PRKG1: variants seen among roughly 807,000 people sequenced by gnomAD.
PRKG1 encodes the protein cGMP-dependent protein kinase 1.
Under a neutral mutation model 88.1 loss-of-function variants are expected in PRKG1, and 35 were observed. The observed-to-expected ratio is 0.40, with a 90% CI of 0.30 to 0.53. The LOEUF (loss-of-function observed/expected upper bound fraction) is 0.53. PRKG1 is among the 20% of genes least tolerant of loss of function. The pLI, the probability that PRKG1 is intolerant of heterozygous loss-of-function variation, is 0.59. For missense variants in PRKG1, 540 were observed against 839.8 expected (o/e 0.64, Z 4.41); for synonymous variants, 303 against 292.5 (o/e 1.04, Z -0.37).
chr10:51,729,026 A>G (rs1369164723), intron 3 of PRKG1, among the ~76,000 whole-genome samples: 1 of 152,242 alleles, frequency 6.6e-6, no homozygotes, highest in Admixed American at 6.5e-5. Flanking sequence ...GAGGGATAAA[A>G]TCTACCAACC....
At chr10:51,440,187 A>G (rs1839059745) in intron 2 of PRKG1, among the ~76,000 whole-genome samples, 2 of 148,322 alleles carry the variant, frequency 1.3e-5, no homozygotes, top group African/African-American at 4.9e-5. Context: ...CTTATCTCCA[A>G]ATAGTGCAGT....
At chr10:51,748,464 G>T (rs1329145188) in intron 3 of PRKG1, among the ~76,000 whole-genome samples, 1 of 152,096 alleles carries the variant, frequency 6.6e-6, no homozygotes, top group Non-Finnish European at 1.5e-5. Flanking sequence ...GGCATCCTAA[G>T]GCAATAATTG....
chr10:52,054,750 A>G (rs1295699779), intron 6 of PRKG1, among the ~76,000 whole-genome samples, 189 bp downstream of exon 6: 1 of 152,200 alleles, frequency 6.6e-6, no homozygotes, highest in African/African-American at 2.4e-5. Context: ...TTGGAAGACC[A>G]GTAAGTAGCC....
chr10:51,971,315 T>G (rs1843709812), intron 5 of PRKG1, among the ~76,000 whole-genome samples: 1 of 152,036 alleles, frequency 6.6e-6, no homozygotes, highest in Non-Finnish European at 1.5e-5. Context: ...TAATTTTAAT[T>G]TAATGCAAAT....
intron 2 of PRKG1, among the ~76,000 whole-genome samples, chr10:51,467,446 A>G (rs1839936173): frequency 6.6e-6 from 1 of 152,004 alleles, no homozygotes; most frequent in Non-Finnish European, 1.5e-5. Flanking sequence ...CTAATAACAG[A>G]TTTGGAATAA....
chr10:51,293,918 G>A (rs1452391204), intron 2 of PRKG1, among the ~76,000 whole-genome samples: 5 of 152,048 alleles, frequency 3.3e-5, no homozygotes, highest in Non-Finnish European at 7.4e-5. Flanking sequence ...ATCATTCCAA[G>A]AGGTGTGAGC....
At chr10:51,076,293 A>T (rs1589134823) in intron 1 of PRKG1, among the ~76,000 whole-genome samples, 1 of 152,336 alleles carries the variant, frequency 6.6e-6, no homozygotes, top group East Asian at 1.9e-4. Context: ...TTCTGACCTT[A>T]CCAAATTGCC....
intron 9 of PRKG1, among the ~76,000 whole-genome samples, chr10:52,241,174 G>C (rs530633945): frequency 2.0e-5 from 3 of 152,052 alleles, no homozygotes; most frequent in Non-Finnish European, 2.9e-5. Flanking sequence ...CCTGTTTTGC[G>C]TACCAGGAGT....
intron 3 of PRKG1, among the ~76,000 whole-genome samples, chr10:51,706,926 T>G (rs953593111): frequency 6.6e-6 from 1 of 152,208 alleles, no homozygotes; most frequent in Non-Finnish European, 1.5e-5. Flanking sequence ...CTAGTAATAG[T>G]AGATGAAGTA....
At chr10:51,537,883 T>G (rs183513313) in intron 3 of PRKG1, among the ~76,000 whole-genome samples, 1 of 152,258 alleles carries the variant, frequency 6.6e-6, no homozygotes, top group African/African-American at 2.4e-5. Flanking sequence ...ACAGTACACT[T>G]TGAGAACTAC....
intron 3 of PRKG1, among the ~76,000 whole-genome samples, chr10:51,617,830 G>C (rs889776494): frequency 6.6e-6 from 1 of 152,082 alleles, no homozygotes; most frequent in Non-Finnish European, 1.5e-5. Flanking sequence ...TCTGTATCCT[G>C]CTTGTTTTTC....
chr10:52,174,501 A>G (rs1838800780), intron 9 of PRKG1, among the ~76,000 whole-genome samples: 1 of 152,058 alleles, frequency 6.6e-6, no homozygotes, highest in African/African-American at 2.4e-5. Flanking sequence ...GAATTTAAGA[A>G]AAAAGGACTA....
intron 2 of PRKG1, among the ~76,000 whole-genome samples, chr10:51,337,612 A>G (rs1228591386): frequency 6.6e-6 from 1 of 152,216 alleles, no homozygotes; most frequent in Non-Finnish European, 1.5e-5. Context: ...CACTTCTCAA[A>G]GGAAGATATT....
intron 1 of PRKG1, among the ~76,000 whole-genome samples, chr10:51,107,781 A>G (rs1449764239): frequency 6.9e-6 from 1 of 145,254 alleles, no homozygotes; most frequent in Non-Finnish European, 1.5e-5. Flanking sequence ...CCATGACTCC[A>G]GCCTGGGCAA....
chr10:51,779,471 A>T (rs924703014), intron 3 of PRKG1, among the ~76,000 whole-genome samples: 1 of 152,172 alleles, frequency 6.6e-6, no homozygotes, highest in Non-Finnish European at 1.5e-5. Flanking sequence ...TCAGCATATG[A>T]ACCCAAGTAT....
chr10:51,741,789 G>A (rs1351209951), intron 3 of PRKG1, among the ~76,000 whole-genome samples: 1 of 152,078 alleles, frequency 6.6e-6, no homozygotes, highest in Non-Finnish European at 1.5e-5. Context: ...GCATTTACCT[G>A]TAACCCCAGA....
chr10:51,033,318 A>T (rs1014239088), intron 1 of PRKG1, among the ~76,000 whole-genome samples: 2 of 152,150 alleles, frequency 1.3e-5, no homozygotes, highest in African/African-American at 4.8e-5. Context: ...GAAGACATTT[A>T]TTGAAAGCTT....
At chr10:51,016,669 C>CTTTTTTT (rs1323068893) in intron 1 of PRKG1, among the ~76,000 whole-genome samples, 10 of 22,786 alleles carry the variant, frequency 4.4e-4, no homozygotes, top group Non-Finnish European at 6.6e-4. Context: ...TATTATTATC[C>CTTTTTTT]TTTCTTTTTT....
intron 10 of PRKG1, among the ~76,000 whole-genome samples, chr10:52,267,048 AT>A (rs1841591373): frequency 7.4e-6 from 1 of 135,748 alleles, no homozygotes; most frequent in Admixed American, 8.6e-5. Context: ...AAAAATCATC[AT>A]CATCATCATC....
Sources: allele counts gnomAD v4.1 joint callset (sites outside exome capture counted in the v4.1 genomes callset), GRCh38; gene constraint gnomAD v4.1.1; transcripts MANE v1.5; gene names NCBI Gene and HGNC (gene_info 2026-07-23, HGNC 2026-07-21).